Variants in STK39 observed in about 807,000 individuals in gnomAD.
The protein encoded by STK39 is STE20/SPS1-related proline-alanine-rich protein kinase.
Under a neutral mutation model 77.8 loss-of-function variants are expected in STK39, and 20 were observed. The ratio of observed to expected loss-of-function variants is 0.26; its 90% CI spans 0.18 to 0.37. The LOEUF (loss-of-function observed/expected upper bound fraction) is 0.37, where lower values mean the gene tolerates loss of function less well. Among genes scored for constraint, STK39 ranks in the 10% least tolerant of loss-of-function variants. The pLI is 1.00. For missense variants in STK39, 479 were observed against 656.5 expected (o/e 0.73, Z 2.95); for synonymous variants, 246 against 234.1 (o/e 1.05, Z -0.47).
intron 16 of STK39, among the ~76,000 whole-genome samples, chr2:167,988,565 T>G (rs1683617970): frequency 6.6e-6 from 1 of 152,138 alleles, no homozygotes; most frequent in African/African-American, 2.4e-5. Context: ...TGAGGATTAT[T>G]TTGTTGTGGA....
chr2:167,986,754 G>C (rs959766579), intron 16 of STK39, among the ~76,000 whole-genome samples: 1 of 152,174 alleles, frequency 6.6e-6, no homozygotes, highest in African/African-American at 2.4e-5. Context: ...GGTGTAGGTA[G>C]CTTCCTACCC....
chr2:167,990,029 T>A (rs2044676), intron 16 of STK39, among the ~76,000 whole-genome samples: 83,829 of 151,832 alleles, frequency 0.55, 24,386 homozygotes, highest in African/African-American at 0.66. Context: ...CATCATCATC[T>A]TCAAATGGTT....
intron 14 of STK39, among the ~76,000 whole-genome samples, chr2:168,042,475 C>G (rs970614127): frequency 6.6e-6 from 1 of 152,036 alleles, no homozygotes; most frequent in African/African-American, 2.4e-5. Flanking sequence ...TATTTAAGTC[C>G]GGTTAGCCCA....
At chr2:168,151,046 T>C (rs549004597) in intron 5 of STK39, among the ~76,000 whole-genome samples, 1 of 152,280 alleles carries the variant, frequency 6.6e-6, no homozygotes, top group East Asian at 1.9e-4. Flanking sequence ...GCCCCAACCA[T>C]GGCATGGTGT....
intron 3 of STK39, among the ~76,000 whole-genome samples, chr2:168,166,284 G>A (rs537649454): frequency 1.4e-4 from 21 of 152,196 alleles, no homozygotes; most frequent in Non-Finnish European, 3.1e-4. Context: ...TAGCCACAGA[G>A]TAAGTGTTCA....
chr2:167,991,564 C>T (rs1317479388), intron 16 of STK39, among the ~76,000 whole-genome samples: 1 of 152,176 alleles, frequency 6.6e-6, no homozygotes, highest in African/African-American at 2.4e-5. Flanking sequence ...GTTTTATTAT[C>T]CAGTCCTATG....
intron 14 of STK39, among the ~76,000 whole-genome samples, chr2:168,026,402 C>T (rs932526660): frequency 2.0e-5 from 3 of 152,152 alleles, no homozygotes; most frequent in Admixed American, 6.5e-5. Flanking sequence ...GTCACCTAAT[C>T]CATTTCTCTG....
chr2:168,213,543 G>A (rs941516713), intron 1 of STK39, among the ~76,000 whole-genome samples: 1 of 151,860 alleles, frequency 6.6e-6, no homozygotes. Flanking sequence ...AACATTAGGC[G>A]GGCATCGTGA....
At chr2:167,997,032 A>G (rs1274653560) in intron 16 of STK39, among the ~76,000 whole-genome samples, 1 of 149,940 alleles carries the variant, frequency 6.7e-6, no homozygotes, top group Non-Finnish European at 1.5e-5. Context: ...CTATAAGTGA[A>G]CTATTTGGTT....
chr2:168,243,470 T>C (rs1364247169), intron 1 of STK39, among the ~76,000 whole-genome samples: 1 of 152,162 alleles, frequency 6.6e-6, no homozygotes, highest in Non-Finnish European at 1.5e-5. Flanking sequence ...AGATGGCAAT[T>C]TGTTACTTTT....
At chr2:168,148,543 A>G (rs1688200602) in intron 5 of STK39, among the ~76,000 whole-genome samples, 1 of 152,230 alleles carries the variant, frequency 6.6e-6, no homozygotes. Context: ...GAAGAGCAGA[A>G]AGCTCAGCAG....
chr2:168,164,621 G>A (rs770383994), intron 3 of STK39, among the ~76,000 whole-genome samples: 14 of 151,542 alleles, frequency 9.2e-5, no homozygotes, highest in Middle Eastern at 3.4e-3. Context: ...TGCCCATGCC[G>A]GTCTTGAACT....
chr2:168,135,178 A>G (rs1489199181), intron 8 of STK39, among the ~76,000 whole-genome samples: 1 of 152,222 alleles, frequency 6.6e-6, no homozygotes, highest in Non-Finnish European at 1.5e-5. Flanking sequence ...TACACAGTGT[A>G]ATAAGTGCTA....
chr2:168,232,410 C>G (rs907423551), intron 1 of STK39, among the ~76,000 whole-genome samples: 1 of 152,086 alleles, frequency 6.6e-6, no homozygotes, highest in Non-Finnish European at 1.5e-5. Flanking sequence ...CTCCAAAAGA[C>G]AAGGAAATAT....
chr2:168,153,891 T>C (rs989177685), intron 5 of STK39, among the ~76,000 whole-genome samples: 1 of 152,186 alleles, frequency 6.6e-6, no homozygotes, highest in Non-Finnish European at 1.5e-5. Context: ...ACTTTCACTC[T>C]GAAATGGCAA....
intron 1 of STK39, among the ~76,000 whole-genome samples, chr2:168,195,553 T>A (rs539058466): frequency 6.6e-5 from 10 of 152,352 alleles, no homozygotes; most frequent in African/African-American, 2.4e-4. Flanking sequence ...AGTATGTGAA[T>A]GAAAATCCTG....
At chr2:167,970,876 ACTTT>A (rs1692319656) in intron 16 of STK39, among the ~76,000 whole-genome samples, 4 of 152,106 alleles carry the variant, frequency 2.6e-5, no homozygotes, top group Non-Finnish European at 5.9e-5. Context: ...TCTATATGTT[ACTTT>A]ATTTTTTTTG....
At chr2:168,118,689 C>A (rs1574479655) in intron 10 of STK39, among the ~76,000 whole-genome samples, 1 of 151,474 alleles carries the variant, frequency 6.6e-6, no homozygotes, top group African/African-American at 2.4e-5. Flanking sequence ...CTTGCTCTTT[C>A]CTCTACCCTC....
At position 168,048,925 on chromosome 2, in the gene STK39, C is replaced by T. The variant is rs533538111; in HGVS notation, c.1376+14575G>A. 7.9e-5 allele frequency among the ~76,000 whole-genome samples: 12 copies of T among 152,334 alleles called. No individual in the cohort carries two copies. In the South Asian group the frequency reaches 8.3e-4, roughly 11 times the overall value. On this transcript the variant is annotated intron_variant, in intron 14 of 17. Transcript: ENST00000355999. ...CGTCACACAGACTAAATGTGGTCAG[C>T]TCTGGCAAATGCCTAATGCATCATC...
Sources: allele counts gnomAD v4.1 joint callset (sites outside exome capture counted in the v4.1 genomes callset), GRCh38; gene constraint gnomAD v4.1.1; transcripts MANE v1.5; gene names NCBI Gene and HGNC (gene_info 2026-07-23, HGNC 2026-07-21).